PDE1A: variants seen among roughly 807,000 people sequenced by gnomAD.
PDE1A encodes the protein dual specificity calcium/calmodulin-dependent 3',5'-cyclic nucleotide phosphodiesterase 1A.
Under a neutral mutation model 61.7 loss-of-function variants are expected in PDE1A, and 35 were observed. The observed-to-expected ratio is 0.57, with a 90% CI of 0.43 to 0.75. PDE1A has a LOEUF of 0.75. Among genes scored for constraint, PDE1A ranks in the 30% least tolerant of loss-of-function variants. PDE1A has a pLI of 0.00. For missense variants in PDE1A, 597 were observed against 630.6 expected, an observed-to-expected ratio of 0.95 and a Z score of 0.57; for synonymous variants, 232 against 213.2, an observed-to-expected ratio of 1.09 and a Z score of -0.77.
At chr2:182,716,433 A>T in the PDE1A span, 184 of 152,414 alleles carry the variant, frequency 1.2e-3, 1 homozygote, top group African/African-American at 4.2e-3. Context: ...GTCCGCCGCC[A>T]GGGTTTGAGG....
At chr2:182,566,005 T>A in the PDE1A span, among the ~76,000 whole-genome samples, 2 of 152,114 alleles carry the variant, frequency 1.3e-5, no homozygotes, top group Non-Finnish European at 2.9e-5. Flanking sequence ...GAATACAAAA[T>A]TTATGGAATT....
chr2:182,409,979 G>A (rs1245892207), intron 1 of PDE1A, among the ~76,000 whole-genome samples: 1 of 151,992 alleles, frequency 6.6e-6, no homozygotes, highest in East Asian at 1.9e-4. Flanking sequence ...TCAGATAAAT[G>A]CATACTTTTT....
chr2:182,442,413 T>A (rs893918336), intron 2 of PDE1A, among the ~76,000 whole-genome samples: 10 of 151,966 alleles, frequency 6.6e-5, no homozygotes, highest in Non-Finnish European at 1.3e-4. Flanking sequence ...ACATTAGGAA[T>A]GACATAGATA....
intron 1 of PDE1A, among the ~76,000 whole-genome samples, chr2:182,293,743 A>C (rs1245730688): frequency 6.6e-6 from 1 of 152,202 alleles, no homozygotes; most frequent in Non-Finnish European, 1.5e-5. Context: ...TATAACTGTA[A>C]GAGGAGTTAT....
intron 13 of PDE1A, among the ~76,000 whole-genome samples, chr2:182,148,290 G>T (rs1360939903): frequency 3.3e-5 from 5 of 151,976 alleles, no homozygotes; most frequent in Non-Finnish European, 5.9e-5. Context: ...AGGGGGGTGG[G>T]GTGTGTATGG....
At chr2:182,223,891 G>A (rs1489164948) in exon 7 of PDE1A, 1 of 1,591,806 alleles carries the variant, frequency 6.3e-7, no homozygotes, top group African/African-American at 1.4e-5. Flanking sequence ...GTTGTTTGTT[G>A]TCCCTGTATG....
chr2:182,342,526 A>G (rs539112658), intron 1 of PDE1A, among the ~76,000 whole-genome samples: 46 of 152,298 alleles, frequency 3.0e-4, no homozygotes, highest in African/African-American at 1.1e-3. Context: ...TACTAAAAAT[A>G]CAAAAAATTA....
At chr2:182,339,095 C>T (rs1231928554) in intron 1 of PDE1A, among the ~76,000 whole-genome samples, 1 of 152,120 alleles carries the variant, frequency 6.6e-6, no homozygotes, top group Non-Finnish European at 1.5e-5. Flanking sequence ...CTTGCCCTAA[C>T]CTCAAGGCAT....
the PDE1A span, among the ~76,000 whole-genome samples, chr2:182,699,390 T>A: frequency 6.6e-6 from 1 of 152,216 alleles, no homozygotes; most frequent in Non-Finnish European, 1.5e-5. Context: ...TACTTTTTGG[T>A]TTCGGAAAAT....
intron 1 of PDE1A, among the ~76,000 whole-genome samples, chr2:182,318,404 T>C (rs1389541910): frequency 6.6e-6 from 1 of 152,172 alleles, no homozygotes; most frequent in African/African-American, 2.4e-5. Context: ...GTCCTAATCT[T>C]CATATCGAGA....
At chr2:182,276,554 C>G (rs953389132) in intron 1 of PDE1A, among the ~76,000 whole-genome samples, 4 of 151,952 alleles carry the variant, frequency 2.6e-5, no homozygotes, top group African/African-American at 9.7e-5. Context: ...ACCTCAGGAC[C>G]ACTATTGTAC....
the PDE1A span, among the ~76,000 whole-genome samples, chr2:182,694,834 G>GGGA: frequency 4.8e-3 from 660 of 138,094 alleles, 9 homozygotes; most frequent in East Asian, 0.047. Context: ...GTGGGGGGGG[G>GGGA]GCAACAGTTG....
intron 3 of PDE1A, among the ~76,000 whole-genome samples, chr2:182,234,841 A>G (rs1689878489): frequency 6.6e-6 from 1 of 152,228 alleles, no homozygotes; most frequent in Admixed American, 6.5e-5. Flanking sequence ...ACAGCAGAAC[A>G]TTCTTGTTTT....
At chr2:182,335,892 A>G (rs1192368117) in intron 1 of PDE1A, among the ~76,000 whole-genome samples, 1 of 152,214 alleles carries the variant, frequency 6.6e-6, no homozygotes, top group Non-Finnish European at 1.5e-5. Flanking sequence ...AATATCCAGA[A>G]TCTACAAGGA....
At chr2:182,427,252 T>C (rs1434193213), upstream of PDE1A, among the ~76,000 whole-genome samples, 1 of 152,208 alleles carries the variant, frequency 6.6e-6, no homozygotes, top group African/African-American at 2.4e-5. Flanking sequence ...CAATCTTGCT[T>C]GTATTCATGC....
intron 1 of PDE1A, among the ~76,000 whole-genome samples, chr2:182,408,842 C>A (rs149161576): frequency 5.1e-4 from 77 of 152,288 alleles, no homozygotes; most frequent in African/African-American, 1.7e-3. Context: ...TCACAAAATT[C>A]GGGAACTGCA....
At chr2:182,283,244 A>C (rs902701884) in intron 1 of PDE1A, among the ~76,000 whole-genome samples, 5 of 152,066 alleles carry the variant, frequency 3.3e-5, no homozygotes, top group African/African-American at 1.2e-4. Context: ...ATAGTAGTAA[A>C]TGGTCACCTA....
chr2:182,684,805 G>C, the PDE1A span, among the ~76,000 whole-genome samples: 1 of 151,976 alleles, frequency 6.6e-6, no homozygotes, highest in African/African-American at 2.4e-5. Flanking sequence ...ATTTTTAATT[G>C]ACCATATAAC....
chr2:182,152,842 A>G (rs1690866515), intron 13 of PDE1A, among the ~76,000 whole-genome samples: 1 of 152,222 alleles, frequency 6.6e-6, no homozygotes, highest in Non-Finnish European at 1.5e-5. Context: ...GGCAGAAGAA[A>G]AAGAAGGCTG....
Sources: gnomAD v4.1 joint callset for allele counts (sites outside exome capture counted in the v4.1 genomes callset) on GRCh38, gnomAD v4.1.1 for gene constraint, MANE v1.5 for transcripts, NCBI Gene and HGNC (gene_info 2026-07-23, HGNC 2026-07-21) for gene names.